The following PALS2 variants were observed in gnomAD, a reference collection of about 807,000 sequenced individuals.
PALS2 encodes the protein protein associated with LIN7 2, MAGUK p55 family member, also known as protein PALS2.
A neutral mutation model predicts 61.6 loss-of-function variants in PALS2; 27 were observed. The ratio of observed to expected loss-of-function variants is 0.44; its 90% CI spans 0.32 to 0.60. PALS2 has a LOEUF of 0.60. Ranked by LOEUF, PALS2 falls within the 20% of genes least tolerant of loss-of-function variation. The probability of loss-of-function intolerance (pLI) is 0.05; values close to 1 mark genes in which losing one functional copy is unlikely to be tolerated. For synonymous variants in PALS2, 236 were observed against 218.6 expected (o/e 1.08, Z -0.70); for missense variants, 554 against 639.4 (o/e 0.87, Z 1.44).
At chr7:24,652,394 C>T (rs916183474) in intron 5 of PALS2, among the ~76,000 whole-genome samples, 2 of 152,230 alleles carry the variant, frequency 1.3e-5, no homozygotes, top group Non-Finnish European at 2.9e-5. Context: ...GACATTTAGC[C>T]TTGTTTAAAC....
At chr7:24,625,403 G>T (rs889115547) in intron 2 of PALS2, among the ~76,000 whole-genome samples, 1 of 152,078 alleles carries the variant, frequency 6.6e-6, no homozygotes, top group African/African-American at 2.4e-5. Flanking sequence ...ACACTGTTTT[G>T]TCTTCACAAC....
At chr7:24,657,751 C>A (rs991281664) in intron 5 of PALS2, among the ~76,000 whole-genome samples, 18 of 152,026 alleles carry the variant, frequency 1.2e-4, no homozygotes, top group African/African-American at 3.9e-4. Context: ...CCTTTTGTGG[C>A]TTTAAGAAGT....
At chr7:24,595,428 AAAT>A (rs1338316890) in intron 1 of PALS2, among the ~76,000 whole-genome samples, 1 of 141,840 alleles carries the variant, frequency 7.1e-6, no homozygotes, top group African/African-American at 2.6e-5. Context: ...AATATATAAA[AAAT>A]ATATAAAATA....
intron 5 of PALS2, among the ~76,000 whole-genome samples, chr7:24,662,400 TGA>T (rs1786770076): frequency 6.6e-6 from 1 of 152,232 alleles, no homozygotes; most frequent in Non-Finnish European, 1.5e-5. Flanking sequence ...GTTTACATGC[TGA>T]TTAATGCTAA....
intron 9 of PALS2, among the ~76,000 whole-genome samples, chr7:24,670,710 C>G (rs1406985999): frequency 6.6e-6 from 1 of 152,204 alleles, no homozygotes; most frequent in African/African-American, 2.4e-5. Context: ...AACTTCCTCA[C>G]CCCCTGCTGC....
Position 24,663,728 on chromosome 7 carries a change from A to T in PALS2, c.783+7A>T. The T allele has an allele frequency of 6.2e-7, 1 of 1,607,962 alleles. No homozygotes were observed. The highest frequency in any genetic ancestry group is 1.1e-5 in the South Asian group (1 of 90,766). On this transcript the variant is annotated splice_region_variant and intron_variant, in intron 6 of 11. Transcript: ENST00000222644. The stretch of plus-strand genomic sequence containing the variant: ...AGATCCAAATTGGTGGCAGGTTAGT[A>T]TGCTTCTCAGAAGTTCCTCAGCTAC...
rs555308869 is a variant in PALS2, at chr7:24,586,865, G to T, written c.-3+13272G>T. On this transcript the variant is annotated intron_variant, in intron 1 of 11. Transcript: ENST00000222644. Reference sequence around the variant, plus strand: ...AGTAAAAGATAAATATAAGGACATTGCAAATTCACCATGACAAACCAAATG... The same window carrying T: ...AGTAAAAGATAAATATAAGGACATTTCAAATTCACCATGACAAACCAAATG... 4.6e-5 allele frequency among the ~76,000 whole-genome samples: 7 copies of T among 152,164 alleles called. 1 individual carries two copies. In the South Asian group the frequency reaches 1.5e-3, roughly 32 times the overall value.
At chr7:24,575,385 A>G (rs1028653172) in intron 1 of PALS2, among the ~76,000 whole-genome samples, 3 of 152,184 alleles carry the variant, frequency 2.0e-5, no homozygotes, top group Admixed American at 1.3e-4. Context: ...ATTTTTAAAA[A>G]TGAATCATAT....
intron 3 of PALS2, among the ~76,000 whole-genome samples, chr7:24,644,095 CT>C (rs59645237): frequency 0.076 from 10,170 of 134,122 alleles, 336 homozygotes; most frequent in African/African-American, 0.11. Context: ...TTTCTTTTTT[CT>C]TTTTTTTTTT....
intron 1 of PALS2, among the ~76,000 whole-genome samples, chr7:24,603,413 A>T (rs1171513982): frequency 6.6e-6 from 1 of 152,210 alleles, no homozygotes; most frequent in Non-Finnish European, 1.5e-5. Flanking sequence ...CTAATTTGAC[A>T]TTGTGGACCA....
At chr7:24,576,056 C>T (rs1782632231) in intron 1 of PALS2, among the ~76,000 whole-genome samples, 1 of 151,858 alleles carries the variant, frequency 6.6e-6, no homozygotes, top group Non-Finnish European at 1.5e-5. Flanking sequence ...GAACACTTAC[C>T]CATTTGATAA....
chr7:24,684,209 C>T (rs1424573268), intron 11 of PALS2, among the ~76,000 whole-genome samples: 1 of 152,098 alleles, frequency 6.6e-6, no homozygotes, highest in Non-Finnish European at 1.5e-5. Context: ...AAGCGATTCT[C>T]CTGCCTCAGC....
intron 5 of PALS2, among the ~76,000 whole-genome samples, chr7:24,655,836 T>A (rs2128081947): frequency 6.6e-6 from 1 of 152,160 alleles, no homozygotes; most frequent in South Asian, 2.1e-4. Context: ...AATTTTTATA[T>A]GATTTTTAAA....
At chr7:24,678,540 G>A (rs1787745303) in intron 9 of PALS2, among the ~76,000 whole-genome samples, 1 of 152,152 alleles carries the variant, frequency 6.6e-6, no homozygotes, top group Non-Finnish European at 1.5e-5. Flanking sequence ...TACAAAATTG[G>A]TATCACAACT....
At chr7:24,595,795 T>TCCCCTC (rs1783502442) in intron 1 of PALS2, among the ~76,000 whole-genome samples, 1 of 151,312 alleles carries the variant, frequency 6.6e-6, no homozygotes, top group Admixed American at 6.7e-5. Flanking sequence ...TGCTTGGGTT[T>TCCCCTC]ACTTTCTGGG....
At chr7:24,668,469 CTT>C (rs986645875) in intron 8 of PALS2, 28 bp from the exon 9 acceptor site, 64 of 1,589,934 alleles carry the variant, frequency 4.0e-5, no homozygotes, top group Non-Finnish European at 5.3e-5. Flanking sequence ...TAAAAGTTGA[CTT>C]TGTATTCCCA....
At chr7:24,587,680 TG>T (rs11310809) in intron 1 of PALS2, among the ~76,000 whole-genome samples, 5,926 of 152,150 alleles carry the variant, frequency 0.039, 159 homozygotes, top group Non-Finnish European at 0.058. Flanking sequence ...CTAAGTTTTG[TG>T]GGGAAGTGTG....
chr7:24,583,395 G>A (rs60407252), intron 1 of PALS2, among the ~76,000 whole-genome samples: 3,584 of 152,048 alleles, frequency 0.024, 161 homozygotes, highest in African/African-American at 0.082. Context: ...GAAATTTTCC[G>A]TGAAGGAATT....
intron 1 of PALS2, among the ~76,000 whole-genome samples, chr7:24,574,898 T>C (rs1199565009): frequency 6.6e-6 from 1 of 152,212 alleles, no homozygotes; most frequent in Non-Finnish European, 1.5e-5. Context: ...TCAAGTAATA[T>C]TGCTTATTGT....
Sources: allele counts gnomAD v4.1 joint callset (sites outside exome capture counted in the v4.1 genomes callset), GRCh38; gene constraint gnomAD v4.1.1; transcripts MANE v1.5; gene names NCBI Gene and HGNC (gene_info 2026-07-23, HGNC 2026-07-21).